RABGAP1L: variants seen among roughly 807,000 people sequenced by gnomAD.
The protein encoded by RABGAP1L is rab GTPase-activating protein 1-like.
In RABGAP1L, 63 loss-of-function variants were observed where a neutral mutation model predicts 137.7. That is an observed-to-expected ratio of 0.46 (90% CI 0.37 to 0.56). RABGAP1L has a LOEUF of 0.56. Among genes scored for constraint, RABGAP1L ranks in the 20% least tolerant of loss-of-function variants. RABGAP1L has a pLI of 0.00. For synonymous variants in RABGAP1L, 431 were observed against 433.7 expected, an observed-to-expected ratio of 0.99 and a Z score of 0.08; for missense variants, 1,095 against 1,244.0, an observed-to-expected ratio of 0.88 and a Z score of 1.80.
At chr1:174,846,316 G>A (rs1163267578) in intron 19 of RABGAP1L, among the ~76,000 whole-genome samples, 3 of 149,978 alleles carry the variant, frequency 2.0e-5, no homozygotes, top group African/African-American at 7.4e-5. Context: ...TAATTGTGAT[G>A]TTAGGGTGTC....
chr1:174,822,530 C>T (rs1214151430), intron 19 of RABGAP1L, among the ~76,000 whole-genome samples: 4 of 152,184 alleles, frequency 2.6e-5, no homozygotes, highest in Non-Finnish European at 4.4e-5. Context: ...GTGGCCCTTC[C>T]TAATCAGCTA....
chr1:174,695,166 A>G (rs1679157808), intron 15 of RABGAP1L, among the ~76,000 whole-genome samples: 2 of 151,110 alleles, frequency 1.3e-5, no homozygotes, highest in Admixed American at 1.3e-4. Flanking sequence ...TCACTTTTCA[A>G]CTCCAGTCCA....
chr1:174,307,843 T>G (rs576569179), intron 11 of RABGAP1L, among the ~76,000 whole-genome samples: 38 of 152,264 alleles, frequency 2.5e-4, no homozygotes, highest in South Asian at 1.0e-3. Flanking sequence ...AGTAGTAGGA[T>G]TGCTAGATTA....
At chr1:174,281,290 G>A (rs1011169894) in intron 10 of RABGAP1L, among the ~76,000 whole-genome samples, 5 of 152,074 alleles carry the variant, frequency 3.3e-5, no homozygotes, top group Non-Finnish European at 7.4e-5. Context: ...AGCACTGATT[G>A]GTCCATTTTA....
At chr1:174,161,803 A>T (rs1664481229) in intron 1 of RABGAP1L, among the ~76,000 whole-genome samples, 1 of 152,210 alleles carries the variant, frequency 6.6e-6, no homozygotes, top group African/African-American at 2.4e-5. Flanking sequence ...GTCCTAGCTC[A>T]CTGCAGCCAC....
chr1:174,731,430 C>T (rs956514527), intron 17 of RABGAP1L, among the ~76,000 whole-genome samples: 2 of 152,164 alleles, frequency 1.3e-5, no homozygotes, highest in African/African-American at 2.4e-5. Context: ...AGGAACTTAC[C>T]CAGTGTACTT....
chr1:174,300,316 G>A (rs1363500335), intron 10 of RABGAP1L, among the ~76,000 whole-genome samples: 4 of 151,558 alleles, frequency 2.6e-5, no homozygotes, highest in Non-Finnish European at 2.9e-5. Flanking sequence ...TCCTGAGGTC[G>A]GGAGTTTGAG....
intron 13 of RABGAP1L, among the ~76,000 whole-genome samples, chr1:174,614,993 A>T (rs1671664689): frequency 6.6e-6 from 1 of 152,076 alleles, no homozygotes; most frequent in South Asian, 2.1e-4. Flanking sequence ...ATTTTTTTCA[A>T]AGTTATTAAC....
At chr1:174,955,081 G>A (rs1391132920) in intron 19 of RABGAP1L, among the ~76,000 whole-genome samples, 1 of 152,186 alleles carries the variant, frequency 6.6e-6, no homozygotes, top group Admixed American at 6.5e-5. Context: ...ACAGTTGGCA[G>A]GTGGTGCTTT....
At position 174,743,052 on chromosome 1, in the gene RABGAP1L, A is replaced by G. The variant is rs1224841182; in HGVS notation, c.2170-9261A>G. The stretch of plus-strand genomic sequence containing the variant: ...CAGTCTAGGTCCTGCTGCTCACAGC[A>G]CAGAAAGCCAATGACTAAGATGATG... On this transcript the variant is annotated intron_variant, in intron 17 of 25. Coordinates refer to ENST00000681986, the MANE Select transcript of RABGAP1L (RefSeq NM_001366446.1). 3.3e-5 allele frequency among the ~76,000 whole-genome samples: 5 copies of G among 152,334 alleles called. No individual in the cohort carries two copies. In the East Asian group the frequency reaches 9.7e-4, roughly 29 times the overall value.
At chr1:174,759,198 A>G (rs1685012263) in intron 18 of RABGAP1L, among the ~76,000 whole-genome samples, 1 of 151,896 alleles carries the variant, frequency 6.6e-6, no homozygotes, top group African/African-American at 2.4e-5. Flanking sequence ...TGAGAGAAAG[A>G]TAGTAATTAA....
chr1:174,274,430 A>G (rs971948456), intron 8 of RABGAP1L, among the ~76,000 whole-genome samples: 7 of 152,094 alleles, frequency 4.6e-5, no homozygotes, highest in African/African-American at 1.4e-4. Context: ...TATAGTTGCT[A>G]TAGTATTTGG....
chr1:174,170,870 C>T (rs962931137), intron 1 of RABGAP1L, among the ~76,000 whole-genome samples: 1 of 152,070 alleles, frequency 6.6e-6, no homozygotes, highest in African/African-American at 2.4e-5. Flanking sequence ...ACAGATGTCT[C>T]TGGTGTATTC....
rs527602696 is a variant in RABGAP1L, at chr1:174,218,756, G to T, written c.-33-369G>T. 5.9e-5 allele frequency among the ~76,000 whole-genome samples: 9 copies of T among 152,160 alleles called. No individual in the cohort carries two copies. The South Asian group carries it at 1.9e-3, about 32-fold the overall frequency. Reference sequence around the variant, plus strand: ...TGAATATGGTTTTGTGTCTGTGTGTGCATTTGTAGGTATTTCTAGTATCAT... The same window carrying T: ...TGAATATGGTTTTGTGTCTGTGTGTTCATTTGTAGGTATTTCTAGTATCAT... On this transcript the variant is annotated intron_variant, in intron 1 of 25. Transcript: ENST00000681986.
At chr1:174,917,111 A>T (rs1661007392) in intron 19 of RABGAP1L, among the ~76,000 whole-genome samples, 2 of 152,106 alleles carry the variant, frequency 1.3e-5, no homozygotes, top group South Asian at 4.1e-4. Context: ...ACTAATAATC[A>T]TGGGGGCTCC....
intron 13 of RABGAP1L, among the ~76,000 whole-genome samples, chr1:174,482,820 C>A (rs1330321231): frequency 6.6e-6 from 1 of 152,090 alleles, no homozygotes; most frequent in Admixed American, 6.6e-5. Context: ...TTTCTGATTT[C>A]TTTTTATTTG....
chr1:174,366,512 G>A (rs1684620539), intron 11 of RABGAP1L, among the ~76,000 whole-genome samples: 1 of 152,080 alleles, frequency 6.6e-6, no homozygotes, highest in Non-Finnish European at 1.5e-5. Flanking sequence ...GCTCATGCCT[G>A]TAATCCCAGC....
At chr1:174,725,220 T>C (rs1284887429) in intron 17 of RABGAP1L, among the ~76,000 whole-genome samples, 1 of 152,166 alleles carries the variant, frequency 6.6e-6, no homozygotes, top group Non-Finnish European at 1.5e-5. Flanking sequence ...TAAGAGTTGA[T>C]GGTGGTTAGT....
chr1:174,609,855 G>C (rs986111407), intron 13 of RABGAP1L, among the ~76,000 whole-genome samples: 15 of 151,986 alleles, frequency 9.9e-5, no homozygotes, highest in African/African-American at 2.9e-4. Context: ...ATGAAGTAAA[G>C]CTCAATGAGC....
Sources: allele counts gnomAD v4.1 joint callset (sites outside exome capture counted in the v4.1 genomes callset), GRCh38; gene constraint gnomAD v4.1.1; transcripts MANE v1.5; gene names NCBI Gene and HGNC (gene_info 2026-07-23, HGNC 2026-07-21).